ATP8B2: variants seen among roughly 807,000 people sequenced by gnomAD.
ATP8B2 encodes the protein ATPase phospholipid transporting 8B2.
A neutral mutation model predicts 133.4 loss-of-function variants in ATP8B2; 70 were observed. That is an observed-to-expected ratio of 0.52 (90% CI 0.43 to 0.64). ATP8B2 has a LOEUF of 0.64. Among genes scored for constraint, ATP8B2 ranks in the 30% least tolerant of loss-of-function variants. The pLI is 0.00. For synonymous variants in ATP8B2, 517 were observed against 589.5 expected (o/e 0.88, Z 1.78); for missense variants, 1,101 against 1,535.7 (o/e 0.72, Z 4.73).
At chr1:154,339,281 A>G (rs1318560659) in intron 12 of ATP8B2, among the ~76,000 whole-genome samples, 4 of 152,192 alleles carry the variant, frequency 2.6e-5, no homozygotes, top group African/African-American at 4.8e-5. Flanking sequence ...CTGCCTCCTC[A>G]CTGGCCATGT....
Position 154,330,412 on chromosome 1 carries a change from G to A in ATP8B2, c.48G>A (p.Ala16=), listed in dbSNP as rs774164452. Residue 16 remains alanine (A), a synonymous_variant, in exon 3 of 28, where the codon GCG becomes GCA. Coordinates refer to ENST00000368489, the MANE Select transcript of ATP8B2 (RefSeq NM_001370597.1). The part of the protein sequence containing the change: ...KKRPPEEERR[A]RANDREYNEK... ...TTGTTGCAGAAGAAGAAAGGAGGGC[G>A]CGGGCTAATGACCGAGAATACAATG... 6.8e-6 allele frequency: 11 copies of A among 1,614,102 alleles called. No individual in the cohort carries two copies. The highest frequency in any genetic ancestry group is 1.1e-5 in the South Asian group (1 of 91,078).
At chr1:154,333,064 C>G (rs1686054428) in intron 9 of ATP8B2, among the ~76,000 whole-genome samples, 1 of 152,058 alleles carries the variant, frequency 6.6e-6, no homozygotes, top group Admixed American at 6.6e-5. Context: ...AATCCCAGCA[C>G]TTTGGGAGGC....
In ATP8B2 at chr1:154,332,521, G is replaced by A. The variant is rs1448406997; in HGVS notation, c.510-97G>A. On this transcript the variant is annotated intron_variant, in intron 8 of 27. Coordinates refer to ENST00000368489, the MANE Select transcript of ATP8B2 (RefSeq NM_001370597.1). ...TTTAGTGAGCTATGATTGTGCGACTGCACTCCAGCCTGAGCAGCAGAGCGA... is the reference window on the plus strand; with the variant it reads ...TTTAGTGAGCTATGATTGTGCGACTACACTCCAGCCTGAGCAGCAGAGCGA... 15 of 939,346 alleles carry A rather than the reference G, an allele frequency of 1.6e-5. No homozygotes were observed. The Admixed American group carries it at 2.8e-4, about 17-fold the overall frequency. The allele number at this position is 939,346 out of a possible 1,614,324, so 58.2% of individuals were successfully genotyped here.
At chr1:154,326,748 A>T (rs1685805579) in intron 1 of ATP8B2, among the ~76,000 whole-genome samples, 1 of 152,172 alleles carries the variant, frequency 6.6e-6, no homozygotes, top group Non-Finnish European at 1.5e-5. Flanking sequence ...TCAAACTCAG[A>T]TGTTTAGGCT....
Position 154,344,978 on chromosome 1 carries a change from C to A in ATP8B2, c.2294C>A (p.Ala765Glu). The change falls in exon 22 of 28, where the codon GCA becomes GAA. Residue 765 changes from alanine to glutamate, a missense_variant. Transcript: ENST00000368489. The surrounding 1 kb of genome is among the most constrained non-coding windows in gnomAD (Gnocchi z 4.1). ...GGTTTCTCTGTGCTCCAGGCCCACG[C>A]ACTGGAGGCAGACATGGAGCTGGAG... is the stretch of plus-strand genomic sequence containing the variant. ...LVINGHSLAH[A>E]LEADMELEFL... is the part of the protein sequence containing the mutation. The A allele has an allele frequency of 6.2e-7, 1 of 1,612,372 alleles. No homozygotes were observed. The highest frequency in any genetic ancestry group is 8.5e-7 in the Non-Finnish European group (1 of 1,178,954).
Position 154,346,424 on chromosome 1 carries a change from A to G in ATP8B2, c.2972A>G (p.Gln991Arg). Residue 991 changes from glutamine to arginine, a missense_variant, in exon 25 of 28, where the codon CAG (glutamine) becomes CGG (arginine). Physicochemically the swap from Gln to Arg is conservative, Grantham distance 43. Coordinates refer to ENST00000368489, the MANE Select transcript of ATP8B2 (RefSeq NM_001370597.1). The surrounding 1 kb of genome is among the most constrained non-coding windows in gnomAD (Gnocchi z 4.5). Reference protein sequence around the residue: ...RDDGTQLADYQSFAVTVATSL... With the variant: ...RDDGTQLADYRSFAVTVATSL... Reference sequence around the variant, plus strand: ...GATGGCACTCAGCTGGCTGACTACCAGTCCTTTGCAGTCACTGTGGCCACA... The same window carrying G: ...GATGGCACTCAGCTGGCTGACTACCGGTCCTTTGCAGTCACTGTGGCCACA... 1 of 1,614,090 alleles carries G rather than the reference A, an allele frequency of 6.2e-7. No homozygotes were observed.
rs530715490 is a variant in ATP8B2 at position 154,344,585 on chromosome 1, C to T, written c.2142-56C>T. On this transcript the variant is annotated intron_variant, in intron 20 of 27. Transcript: ENST00000368489. This position sits in a 1 kb window ranked among gnomAD's most constrained non-coding sequence, Gnocchi z 4.1. Reference sequence around the variant, plus strand: ...TTTCTGGACCATTTAGACTTGAATCCCTGCTCCCCACTGCCGTTCTGGAAG... The same window carrying T: ...TTTCTGGACCATTTAGACTTGAATCTCTGCTCCCCACTGCCGTTCTGGAAG... 1.7e-5 allele frequency: 27 copies of T among 1,608,496 alleles called. No individual in the cohort carries two copies. Among genetic ancestry groups the T allele is most frequent in the Middle Eastern group, 3.3e-4 (2 of 6,070 alleles).
chr1:154,337,494 G>A lies in ATP8B2; in HGVS notation c.984G>A (p.Trp328Ter). 1 of 1,614,090 alleles carries A rather than the reference G, an allele frequency of 6.2e-7. No individual in the cohort carries two copies. Among genetic ancestry groups the A allele is most frequent in the Non-Finnish European group, 8.5e-7 (1 of 1,180,032 alleles). The change falls in exon 12 of 28, where the codon TGG (tryptophan) becomes TGA (stop). Residue 328 changes from tryptophan (W) to a stop codon, truncating the protein, a stop_gained. Coordinates refer to ENST00000368489, the MANE Select transcript of ATP8B2 (RefSeq NM_001370597.1). LOFTEE classifies it high-confidence loss of function. ...SAFFSGFLSFWSYIIILNTVV... is the reference protein window; with the variant it reads ...SAFFSGFLSF ...TCTTCTCTGGCTTCCTCTCCTTCTGGTCCTACATCATCATCCTCAACACCG... is the reference window on the plus strand; with the variant it reads ...TCTTCTCTGGCTTCCTCTCCTTCTGATCCTACATCATCATCCTCAACACCG...
At position 154,346,146 on chromosome 1, in the gene ATP8B2, G is replaced by A. The variant is rs1686573875; in HGVS notation, c.2779-85G>A. The A allele has an allele frequency of 1.3e-6, 2 of 1,543,258 alleles. No homozygotes were observed. Among genetic ancestry groups the A allele is most frequent in the Non-Finnish European group, 1.8e-6 (2 of 1,136,386 alleles). On this transcript the variant is annotated intron_variant, in intron 24 of 27. Transcript: ENST00000368489. The surrounding 1 kb of genome is among the most constrained non-coding windows in gnomAD (Gnocchi z 4.5). ...AAGACTTTGGAAAGGAGGAGGCAGG[G>A]ACAGAGTCAGAGTCTGCCCTTGGTC...
Position 154,334,449 on chromosome 1 carries a change from GC to G in ATP8B2, c.749-51del. ...CTGCAGTCTGGGGATCAGGGCAGAA[GC>G]CCAGAGGCAGATGTGTTATTTGGCT... is the stretch of plus-strand genomic sequence containing the variant. On this transcript the variant is annotated intron_variant, in intron 10 of 27. Transcript: ENST00000368489. This position sits in a 1 kb window ranked among gnomAD's most constrained non-coding sequence, Gnocchi z 4.6. 1 of 1,585,042 alleles carries G rather than the reference GC, an allele frequency of 6.3e-7. No individual in the cohort carries two copies. The highest frequency in any genetic ancestry group is 1.1e-5 in the South Asian group (1 of 89,984).
At chr1:154,332,516 C>T (rs538301210) in intron 8 of ATP8B2, 102 bp from the exon 9 acceptor site, 304 of 885,458 alleles carry the variant, frequency 3.4e-4, no homozygotes, top group South Asian at 3.1e-3. Flanking sequence ...TATGATTGTG[C>T]GACTGCACTC....
In ATP8B2 at chr1:154,349,152, G is replaced by C. The variant is rs773802257; in HGVS notation, c.*34G>C. On this transcript the variant is annotated 3_prime_UTR_variant, in exon 28 of 28. Coordinates refer to ENST00000368489, the MANE Select transcript of ATP8B2 (RefSeq NM_001370597.1). Reference sequence around the variant, plus strand: ...GATGGATGCCCTGTGCCAGTGACCAGAGCACCCAGGGCTGGCCAGTCACTG... The same window carrying C: ...GATGGATGCCCTGTGCCAGTGACCACAGCACCCAGGGCTGGCCAGTCACTG... 2 of 1,601,616 alleles carry C rather than the reference G, an allele frequency of 1.2e-6. No individual in the cohort carries two copies. The highest frequency in any genetic ancestry group is 1.7e-6 in the Non-Finnish European group (2 of 1,172,038).
rs931506163 is a variant in ATP8B2 at position 154,340,792 on chromosome 1, C to T, written c.1035-62C>T. ...AGGCGGAGGGCCTGCAGCGAAGGCC[C>T]ATGTGGGTGGGGCACCTCCTCTTCT... On this transcript the variant is annotated intron_variant, in intron 12 of 27. Coordinates refer to ENST00000368489, the MANE Select transcript of ATP8B2 (RefSeq NM_001370597.1). The surrounding 1 kb of genome is among the most constrained non-coding windows in gnomAD (Gnocchi z 4.0). 2.0e-6 allele frequency: 3 copies of T among 1,511,746 alleles called. No homozygotes were observed. Among genetic ancestry groups the T allele is most frequent in the South Asian group, 2.3e-5 (2 of 88,492 alleles). The allele number at this position is 1,511,746 out of a possible 1,614,324, so 93.6% of individuals were successfully genotyped here. A position where few individuals can be genotyped will look rare whatever the true frequency, so the allele number is the denominator to read the frequency against.
Position 154,348,533 on chromosome 1 carries a change from G to A in ATP8B2, c.3289G>A (p.Asp1097Asn), listed in dbSNP as rs143318100. 331 of 1,613,458 alleles carry A rather than the reference G, an allele frequency of 2.1e-4. No individual in the cohort carries two copies. Among genetic ancestry groups the A allele is most frequent in the Non-Finnish European group, 2.3e-4 (267 of 1,179,768 alleles). Residue 1097 changes from aspartate (D) to asparagine (N), a missense_variant, in exon 27 of 28, where the codon GAC becomes AAC. Coordinates refer to ENST00000368489, the MANE Select transcript of ATP8B2 (RefSeq NM_001370597.1). ...GCTCAACCTGAAGCCGGATCTCTCC[G>A]ACACGGTGAGAAGCCAGGCTACCTG... ...LRLNLKPDLS[D>N]TVRYTQLVRK...
rs776850153 is a variant in ATP8B2 at position 154,337,518 on chromosome 1, C to T, written c.1008C>T (p.Thr336=). ...GGTCCTACATCATCATCCTCAACAC[C>T]GTTGTGCCCATTTCACTCTATGTCA... ...SFWSYIIILN[T]VVPISLYVSV... is the part of the protein sequence containing the mutation. Residue 336 remains threonine, a synonymous_variant, in exon 12 of 28, where the codon ACC becomes ACT. Transcript: ENST00000368489. 6.2e-6 allele frequency: 10 copies of T among 1,614,164 alleles called. No individual in the cohort carries two copies. Among genetic ancestry groups the T allele is most frequent in the East Asian group, 2.2e-5 (1 of 44,886 alleles).
chr1:154,349,262 A>C lies in ATP8B2; in HGVS notation c.*144A>C. On this transcript the variant is annotated 3_prime_UTR_variant, in exon 28 of 28. Transcript: ENST00000368489. ...CTCTGTCCTGCTGGTCCCACCACAC[A>C]TGGCTGGGACATCTGTTCCCAGCTG... The C allele has an allele frequency of 2.8e-6, 3 of 1,089,812 alleles. No individual in the cohort carries two copies. The highest frequency in any genetic ancestry group is 3.9e-6 in the Non-Finnish European group (3 of 772,156). The allele number at this position is 1,089,812 out of a possible 1,614,324, so 67.5% of individuals were successfully genotyped here.
chr1:154,336,507 G>A (rs1303160826), intron 11 of ATP8B2, among the ~76,000 whole-genome samples: 16 of 147,956 alleles, frequency 1.1e-4, no homozygotes, highest in South Asian at 6.4e-4. Flanking sequence ...TTTTTGAGAC[G>A]GAGTCTCACT....
intron 14 of ATP8B2, 26 bp downstream of exon 14, chr1:154,342,549 T>C: frequency 1.2e-6 from 2 of 1,610,020 alleles, no homozygotes; most frequent in East Asian, 2.2e-5. Flanking sequence ...CCTAATTCTA[T>C]GTGCCAGTGA....
In ATP8B2 at chr1:154,328,776, GGGC is replaced by G. The variant is rs955296550; in HGVS notation, c.31+618_31+620del. The G allele has an allele frequency of 5.0e-5, 50 of 996,132 alleles. No homozygotes were observed. The highest frequency in any genetic ancestry group is 1.3e-4 in the South Asian group (3 of 23,244). 61.7% of individuals were successfully genotyped at this position (996,132 alleles called of 1,614,324 possible). The stretch of plus-strand genomic sequence containing the variant: ...GCTGGCATCCGCCGGGGGGCATGGG[GGGC>G]GGCGGCGGCGGCGCAGCTGAGCTCG... On this transcript the variant is annotated intron_variant, in intron 2 of 27. Transcript: ENST00000368489. The surrounding 1 kb of genome is among the most constrained non-coding windows in gnomAD (Gnocchi z 4.6).
Sources: allele counts gnomAD v4.1 joint callset (sites outside exome capture counted in the v4.1 genomes callset), GRCh38; gene constraint gnomAD v4.1.1; non-coding constraint Gnocchi (gnomAD v3.1); transcripts MANE v1.5; gene names NCBI Gene and HGNC (gene_info 2026-07-23, HGNC 2026-07-21).